Variants in DNAH3 observed in about 807,000 individuals in gnomAD.
The protein encoded by DNAH3 is axonemal beta dynein heavy chain 3.
In DNAH3, 332 loss-of-function variants were observed where a neutral mutation model predicts 432.5. That is an observed-to-expected ratio of 0.77 (90% confidence interval 0.70 to 0.84). The LOEUF (loss-of-function observed/expected upper bound fraction) is 0.84, where lower values mean the gene tolerates loss of function less well. Among genes scored for constraint, DNAH3 ranks in the 40% least tolerant of loss-of-function variants. DNAH3 has a pLI of 0.00. For missense variants in DNAH3, 4,861 were observed against 5,114.0 expected (o/e 0.95, Z 1.51); for synonymous variants, 1,956 against 1,900.2 (o/e 1.03, Z -0.76).
intron 31 of DNAH3, among the ~76,000 whole-genome samples, chr16:21,042,489 T>G (rs556212862): frequency 5.9e-5 from 9 of 152,174 alleles, no homozygotes; most frequent in Non-Finnish European, 1.3e-4. Context: ...CTGTGTTTAT[T>G]GGTTCAAAGA....
At chr16:21,146,159 A>G in intron 1 of DNAH3, 71 bp from the exon 3 acceptor site, 1 of 1,011,468 alleles carries the variant, frequency 9.9e-7, no homozygotes, top group Non-Finnish European at 1.6e-6. Context: ...GTTGGTTAGG[A>G]CTAAAGAGGT....
chr16:21,008,179 A>G (rs2152698639), intron 41 of DNAH3, among the ~76,000 whole-genome samples: 2 of 152,248 alleles, frequency 1.3e-5, no homozygotes, highest in South Asian at 4.2e-4. Flanking sequence ...GTTTTCTGTT[A>G]AACATTCTCT....
At chr16:21,104,643 G>A (rs1431265487) in intron 15 of DNAH3, 49 bp from the exon 16 acceptor site, 1 of 1,161,086 alleles carries the variant, frequency 8.6e-7, no homozygotes, top group Non-Finnish European at 1.3e-6. Flanking sequence ...GCATAGGTCG[G>A]GTCAGCATGT....
exon 54 of DNAH3, chr16:20,959,278 A>C: frequency 6.2e-7 from 1 of 1,614,130 alleles, no homozygotes; most frequent in Non-Finnish European, 8.5e-7. Flanking sequence ...CTGTAAGACC[A>C]CCCAGGTCCC....
chr16:20,938,669 C>CAAAAAAA (rs901953556), intron 59 of DNAH3, among the ~76,000 whole-genome samples: 1 of 81,904 alleles, frequency 1.2e-5, no homozygotes. Flanking sequence ...GGTGAAAAGG[C>CAAAAAAA]AAAAAAAAAA....
At chr16:21,129,567 CAAAA>C (rs555280776) in intron 7 of DNAH3, among the ~76,000 whole-genome samples, 11 of 78,050 alleles carry the variant, frequency 1.4e-4, no homozygotes, top group African/African-American at 4.5e-4. Flanking sequence ...CCTATCTCTA[CAAAA>C]AAAAAAAAAA....
chr16:20,998,348 G>T (rs909070624), intron 43 of DNAH3, among the ~76,000 whole-genome samples: 1 of 152,124 alleles, frequency 6.6e-6, no homozygotes, highest in African/African-American at 2.4e-5. Flanking sequence ...TTGTCTCCCA[G>T]GTTCAAGTGG....
intron 7 of DNAH3, among the ~76,000 whole-genome samples, chr16:21,128,150 A>G (rs1354771410): frequency 2.0e-5 from 3 of 152,044 alleles, no homozygotes; most frequent in Non-Finnish European, 4.4e-5. Flanking sequence ...AAATGGACGA[A>G]TCAATGTTCT....
At chr16:20,969,531 T>C (rs1196131034) in intron 52 of DNAH3, among the ~76,000 whole-genome samples, 2 of 152,216 alleles carry the variant, frequency 1.3e-5, no homozygotes, top group Admixed American at 1.3e-4. Context: ...TTGTAATGAC[T>C]TGCAGGGAGA....
rs369996077 is a variant in DNAH3, at chr16:21,031,228, C to T, written c.5256G>A (p.Thr1752=). 93 of 1,614,124 alleles carry T rather than the reference C, an allele frequency of 5.8e-5. No individual in the cohort carries two copies. The East Asian group carries it at 7.6e-4, about 13-fold the overall frequency. The change falls in exon 37 of 62, where the codon ACG becomes ACA. Residue 1752 remains threonine (T), a synonymous_variant. Transcript: ENST00000261383. Reference sequence around the variant, plus strand: ...CAAAGCACCCATACAGCTGCCCCATCGTGATAGCCTTGGGGTTGATGATCT... The same window carrying T: ...CAAAGCACCCATACAGCTGCCCCATTGTGATAGCCTTGGGGTTGATGATCT...
chr16:21,092,443 C>T (rs560756936), intron 18 of DNAH3, among the ~76,000 whole-genome samples: 2 of 151,944 alleles, frequency 1.3e-5, no homozygotes, highest in South Asian at 2.1e-4. Context: ...AATCTAGACA[C>T]GGATCTTACA....
At chr16:21,045,123 G>T (rs1357490329) in intron 31 of DNAH3, among the ~76,000 whole-genome samples, 1 of 151,616 alleles carries the variant, frequency 6.6e-6, no homozygotes, top group Non-Finnish European at 1.5e-5. Flanking sequence ...AAGGATATTG[G>T]TCTAAAATTC....
intron 44 of DNAH3, among the ~76,000 whole-genome samples, chr16:20,992,509 C>T (rs1490747950): frequency 6.6e-6 from 1 of 152,150 alleles, no homozygotes; most frequent in Non-Finnish European, 1.5e-5. Context: ...CCAAGCCCGG[C>T]TAATTTTTTT....
intron 49 of DNAH3, among the ~76,000 whole-genome samples, chr16:20,981,373 T>A (rs536576251): frequency 3.3e-5 from 5 of 152,034 alleles, no homozygotes; most frequent in Non-Finnish European, 5.9e-5. Context: ...ATACCCCAAA[T>A]GGAATTTAAG....
Position 21,019,723 on chromosome 16 carries a change from ATTTC to A in DNAH3, c.5919_5922del (p.Lys1973AsnfsTer9). On this transcript the variant is annotated frameshift_variant, in exon 41 of 62. Transcript: ENST00000261383. LOFTEE classifies it high-confidence loss of function. ...ATCAGGTTGCGGAAAAACACATCAA[ATTTC>A]TTTCTGCTGTCTGCGTTGATGGTGC... 6.2e-7 allele frequency: 1 copy of A among 1,614,178 alleles called. No homozygotes were observed. The highest frequency in any genetic ancestry group is 8.5e-7 in the Non-Finnish European group (1 of 1,180,042).
intron 47 of DNAH3, among the ~76,000 whole-genome samples, chr16:20,986,479 C>G (rs1236139441): frequency 6.6e-6 from 1 of 152,080 alleles, no homozygotes; most frequent in African/African-American, 2.4e-5. Flanking sequence ...TGCACTCCAG[C>G]CTGGGTGACA....
At chr16:21,112,202 G>T in intron 12 of DNAH3, 104 bp from the exon 13 acceptor site, 2 of 750,296 alleles carry the variant, frequency 2.7e-6, no homozygotes, top group South Asian at 1.8e-5. Context: ...AAAAAATGTA[G>T]CCCAAGCCAG....
At chr16:21,053,649 T>C (rs768192284) in intron 28 of DNAH3, among the ~76,000 whole-genome samples, 9 of 152,120 alleles carry the variant, frequency 5.9e-5, no homozygotes, top group Non-Finnish European at 1.3e-4. Context: ...CCTAATGAAA[T>C]CAGATTGAAG....
At chr16:21,154,890 T>C (rs1287119252) in intron 1 of DNAH3, among the ~76,000 whole-genome samples, 3 of 152,128 alleles carry the variant, frequency 2.0e-5, no homozygotes, top group Non-Finnish European at 2.9e-5. Flanking sequence ...CAACTTTGTG[T>C]TGGATAATTC....
Sources: allele counts gnomAD v4.1 joint callset (sites outside exome capture counted in the v4.1 genomes callset), GRCh38; gene constraint gnomAD v4.1.1; transcripts MANE v1.5; gene names NCBI Gene and HGNC (gene_info 2026-07-23, HGNC 2026-07-21).